BTBD9: variants seen among roughly 807,000 people sequenced by gnomAD.
The protein encoded by BTBD9 is BTB/POZ domain-containing protein 9.
In BTBD9, 49 loss-of-function variants were observed where a neutral mutation model predicts 64.3. That is an observed-to-expected ratio of 0.76 (90% CI 0.61 to 0.97). The LOEUF is 0.97. Among genes scored for constraint, BTBD9 ranks in the 50% least tolerant of loss-of-function variants. The pLI is 0.00. For synonymous variants in BTBD9, 260 were observed against 274.7 expected (o/e 0.95, Z 0.53); for missense variants, 598 against 762.1 (o/e 0.78, Z 2.53).
At chr6:38,374,294 T>TATATATATAC (rs1282896109) in intron 6 of BTBD9, among the ~76,000 whole-genome samples, 2 of 80,406 alleles carry the variant, frequency 2.5e-5, no homozygotes, top group Non-Finnish European at 4.2e-5. Flanking sequence ...TATATATATA[T>TATATATATAC]ATGTATATAT....
intron 8 of BTBD9, among the ~76,000 whole-genome samples, chr6:38,271,673 C>G (rs1765200363): frequency 6.6e-6 from 1 of 152,054 alleles, no homozygotes; most frequent in Admixed American, 6.6e-5. Flanking sequence ...AAAACTTTAC[C>G]AACCCCAGGC....
At chr6:38,574,428 G>A (rs1254280994) in intron 6 of BTBD9, among the ~76,000 whole-genome samples, 2 of 152,130 alleles carry the variant, frequency 1.3e-5, no homozygotes, top group African/African-American at 2.4e-5. Context: ...GTATGGGTTG[G>A]CGATACAAAA....
chr6:38,487,594 AGAGAGAG>A (rs1562252329), intron 6 of BTBD9, among the ~76,000 whole-genome samples: 8 of 39,244 alleles, frequency 2.0e-4, no homozygotes, highest in African/African-American at 4.2e-4. Flanking sequence ...AGAGTCAGCG[AGAGAGAG>A]AGAGAGAGAG....
At chr6:38,377,302 C>A (rs1765729146) in intron 6 of BTBD9, among the ~76,000 whole-genome samples, 1 of 152,146 alleles carries the variant, frequency 6.6e-6, no homozygotes, top group Non-Finnish European at 1.5e-5. Flanking sequence ...AGCAAGGAAG[C>A]TACTCTGGGG....
In BTBD9 at chr6:38,174,491, C is replaced by G; in HGVS notation, c.*494G>C. ...ATAGATCCGGAACACCTATGATTCA[C>G]TGAGTGGAGAATAACTAAAACAAAT... On this transcript the variant is annotated 3_prime_UTR_variant, in exon 11 of 11. Transcript: ENST00000481247. The G allele has an allele frequency of 6.4e-6, 1 of 155,282 alleles. No homozygotes were observed. The highest frequency in any genetic ancestry group is 1.9e-4 in the East Asian group (1 of 5,292). 9.6% of individuals were successfully genotyped at this position (155,282 alleles called of 1,614,324 possible).
chr6:38,535,925 A>G (rs1013509646), intron 6 of BTBD9, among the ~76,000 whole-genome samples: 29 of 152,146 alleles, frequency 1.9e-4, no homozygotes, highest in Admixed American at 1.2e-3. Flanking sequence ...CCTCCAGGAC[A>G]TGGAGGGAGC....
chr6:38,599,652 A>G (rs1458466333), intron 1 of BTBD9, among the ~76,000 whole-genome samples: 2 of 152,172 alleles, frequency 1.3e-5, no homozygotes, highest in Non-Finnish European at 1.5e-5. Flanking sequence ...CTCCAGTTGA[A>G]CCACAATTAA....
At chr6:38,280,606 C>G (rs1761473085) in intron 8 of BTBD9, among the ~76,000 whole-genome samples, 1 of 152,142 alleles carries the variant, frequency 6.6e-6, no homozygotes, top group Admixed American at 6.5e-5. Context: ...AGAAGGCTGT[C>G]TTAATGTAAA....
At chr6:38,491,933 A>C (rs895037572) in intron 6 of BTBD9, among the ~76,000 whole-genome samples, 1 of 152,188 alleles carries the variant, frequency 6.6e-6, no homozygotes, top group Non-Finnish European at 1.5e-5. Flanking sequence ...AATAAAAAGG[A>C]AAGAGTAACT....
rs537996830 is a variant in BTBD9, at chr6:38,584,478, G to A, written c.815-4041C>T. On this transcript the variant is annotated intron_variant, in intron 4 of 10. Coordinates refer to ENST00000481247, the MANE Select transcript of BTBD9 (RefSeq NM_001099272.2). Reference sequence around the variant, plus strand: ...GGAAAAATTAAGGAGAAATGAAGCAGAATGTACCCCTAGCTACACAGTGCC... The same window carrying A: ...GGAAAAATTAAGGAGAAATGAAGCAAAATGTACCCCTAGCTACACAGTGCC... 1.4e-3 allele frequency among the ~76,000 whole-genome samples: 206 copies of A among 152,336 alleles called. 1 individual carries two copies. Among genetic ancestry groups the A allele is most frequent in the Non-Finnish European group, 2.6e-3 (174 of 68,034 alleles).
In BTBD9 at chr6:38,622,723, G is replaced by T. The variant is rs1208576790; in HGVS notation, c.-28+17077C>A. ...AACCTGTTATCAGGCCTGCCCCTGG[G>T]GCACCTACTATCCCATCAGTGTAAT... On this transcript the variant is annotated intron_variant, in intron 1 of 10. Coordinates refer to ENST00000481247, the MANE Select transcript of BTBD9 (RefSeq NM_001099272.2). Among the ~76,000 whole-genome samples, 6 of 152,040 alleles carry T rather than the reference G, an allele frequency of 3.9e-5. No homozygotes were observed. In the East Asian group the frequency reaches 1.2e-3, roughly 29 times the overall value.
Position 38,173,018 on chromosome 6 carries a change from G to A in BTBD9, c.*1967C>T, listed in dbSNP as rs1348540963. Reference sequence around the variant, plus strand: ...TCAGCAGCATGCTGCTTCAGGCCAAGGGCCTCTGGGCAGGTGATGCCCATG... The same window carrying A: ...TCAGCAGCATGCTGCTTCAGGCCAAAGGCCTCTGGGCAGGTGATGCCCATG... On this transcript the variant is annotated 3_prime_UTR_variant, in exon 11 of 11. Transcript: ENST00000481247. 1.3e-5 allele frequency: 2 copies of A among 152,326 alleles called. No homozygotes were observed. The highest frequency in any genetic ancestry group is 1.3e-4 in the Admixed American group (2 of 15,292). The allele number at this position is 152,326 out of a possible 1,614,324, so 9.4% of individuals were successfully genotyped here.
At chr6:38,533,236 T>C (rs1056865775) in intron 6 of BTBD9, among the ~76,000 whole-genome samples, 1 of 152,052 alleles carries the variant, frequency 6.6e-6, no homozygotes, top group Admixed American at 6.5e-5. Flanking sequence ...TCCATGCTAA[T>C]GGAAACCAAA....
intron 10 of BTBD9, among the ~76,000 whole-genome samples, chr6:38,175,802 A>G (rs1761213071): frequency 6.6e-6 from 1 of 152,246 alleles, no homozygotes; most frequent in Non-Finnish European, 1.5e-5. Flanking sequence ...TTCCTGATGC[A>G]TAGTTCTCCT....
At chr6:38,504,279 C>T (rs1772345812) in intron 6 of BTBD9, among the ~76,000 whole-genome samples, 2 of 152,210 alleles carry the variant, frequency 1.3e-5, no homozygotes, top group Non-Finnish European at 2.9e-5. Flanking sequence ...TTACTACACT[C>T]CCGCTCCTAC....
At chr6:38,627,190 G>C (rs144652152) in intron 1 of BTBD9, among the ~76,000 whole-genome samples, 1 of 152,138 alleles carries the variant, frequency 6.6e-6, no homozygotes, top group Non-Finnish European at 1.5e-5. Flanking sequence ...TTATGATGCA[G>C]GTCAGAAAAT....
intron 9 of BTBD9, among the ~76,000 whole-genome samples, chr6:38,207,571 C>T (rs1359368254): frequency 2.0e-5 from 3 of 152,094 alleles, no homozygotes; most frequent in South Asian, 2.1e-4. Flanking sequence ...TGCAGTGAGC[C>T]GTGACTGCAC....
intron 6 of BTBD9, among the ~76,000 whole-genome samples, chr6:38,547,872 G>T (rs569094463): frequency 6.6e-6 from 1 of 152,208 alleles, no homozygotes; most frequent in South Asian, 2.1e-4. Flanking sequence ...CTCCTTAGTG[G>T]CAGGGACTTT....
At chr6:38,260,596 G>A (rs1764756614) in intron 8 of BTBD9, among the ~76,000 whole-genome samples, 2 of 152,160 alleles carry the variant, frequency 1.3e-5, no homozygotes, top group Non-Finnish European at 2.9e-5. Flanking sequence ...TTCTTGGAGT[G>A]ATAACATATT....
Sources: gnomAD v4.1 joint callset for allele counts (sites outside exome capture counted in the v4.1 genomes callset) on GRCh38, gnomAD v4.1.1 for gene constraint, MANE v1.5 for transcripts, NCBI Gene and HGNC (gene_info 2026-07-23, HGNC 2026-07-21) for gene names.